Variants in RNGTT observed in about 807,000 individuals in gnomAD.
RNGTT encodes the protein RNA guanylyltransferase and 5'-phosphatase, also known as mRNA-capping enzyme.
RNGTT carries 33 observed loss-of-function variants against 79.3 expected under a neutral mutation model. The ratio of observed to expected loss-of-function variants is 0.42; its 90% CI spans 0.32 to 0.56. RNGTT has a LOEUF of 0.56. Among genes scored for constraint, RNGTT ranks in the 20% least tolerant of loss-of-function variants. The pLI, the probability that RNGTT is intolerant of heterozygous loss-of-function variation, is 0.17. For missense variants in RNGTT, 497 were observed against 739.1 expected (o/e 0.67, Z 3.80); for synonymous variants, 222 against 235.9 (o/e 0.94, Z 0.54).
At chr6:88,672,717 C>T (rs918201844) in intron 14 of RNGTT, among the ~76,000 whole-genome samples, 2 of 151,950 alleles carry the variant, frequency 1.3e-5, no homozygotes, top group Admixed American at 1.3e-4. Context: ...AATAATTTTT[C>T]AAAAAAAGTT....
chr6:88,775,284 A>G (rs530519323), intron 12 of RNGTT, among the ~76,000 whole-genome samples: 62 of 152,308 alleles, frequency 4.1e-4, no homozygotes, highest in East Asian at 1.9e-3. Flanking sequence ...AACTTCCAGT[A>G]TATAAAACAA....
chr6:88,914,991 A>G (rs1482964129), intron 4 of RNGTT, among the ~76,000 whole-genome samples: 1 of 152,240 alleles, frequency 6.6e-6, no homozygotes, highest in Non-Finnish European at 1.5e-5. Flanking sequence ...AAAAGAGGAC[A>G]TACAAGTGGC....
At chr6:88,818,511 G>C (rs770369373) in intron 11 of RNGTT, among the ~76,000 whole-genome samples, 1 of 152,126 alleles carries the variant, frequency 6.6e-6, no homozygotes, top group Non-Finnish European at 1.5e-5. Flanking sequence ...GGAGGCAGAG[G>C]TTGCAGTGAG....
chr6:88,759,197 T>C (rs1031277922), intron 13 of RNGTT, among the ~76,000 whole-genome samples: 1 of 152,260 alleles, frequency 6.6e-6, no homozygotes, highest in East Asian at 1.9e-4. Flanking sequence ...GTCCACACTA[T>C]ATCCCAGATC....
chr6:88,839,687 T>A (rs1781201802), intron 11 of RNGTT, among the ~76,000 whole-genome samples: 1 of 152,360 alleles, frequency 6.6e-6, no homozygotes, highest in Admixed American at 6.5e-5. Flanking sequence ...CAATGGTTAC[T>A]GAGAAGGTGA....
chr6:88,622,278 T>C (rs752999015), intron 14 of RNGTT, among the ~76,000 whole-genome samples: 1 of 152,170 alleles, frequency 6.6e-6, no homozygotes. Context: ...TTAGCTGATA[T>C]ACAGAGCTAA....
chr6:88,692,979 C>G (rs565078036), intron 13 of RNGTT, among the ~76,000 whole-genome samples: 1 of 151,882 alleles, frequency 6.6e-6, no homozygotes, highest in African/African-American at 2.4e-5. Flanking sequence ...TGATGAGATG[C>G]AGCAAAAGCA....
chr6:88,681,027 C>G (rs1018131712), intron 13 of RNGTT, among the ~76,000 whole-genome samples: 25 of 152,114 alleles, frequency 1.6e-4, no homozygotes, highest in African/African-American at 5.6e-4. Context: ...CTTTAAATCG[C>G]TCCCAAATCA....
intron 13 of RNGTT, among the ~76,000 whole-genome samples, chr6:88,758,589 T>C (rs1278249804): frequency 5.3e-5 from 8 of 152,246 alleles, no homozygotes; most frequent in Non-Finnish European, 1.5e-5. Flanking sequence ...GGGATTTGTT[T>C]AATGCTTCCT....
intron 12 of RNGTT, among the ~76,000 whole-genome samples, chr6:88,790,959 C>T (rs768152704): frequency 5.9e-5 from 9 of 152,036 alleles, no homozygotes; most frequent in Non-Finnish European, 7.4e-5. Flanking sequence ...AGCTATCCAT[C>T]GGAAACGTCT....
chr6:88,935,804 G>A (rs1441068331), intron 2 of RNGTT, among the ~76,000 whole-genome samples: 2 of 152,054 alleles, frequency 1.3e-5, no homozygotes, highest in African/African-American at 2.4e-5. Flanking sequence ...ATTTATTCCT[G>A]AGTATTTTAC....
At chr6:88,936,646 T>C (rs1378569076) in intron 2 of RNGTT, among the ~76,000 whole-genome samples, 2 of 152,250 alleles carry the variant, frequency 1.3e-5, no homozygotes, top group African/African-American at 2.4e-5. Context: ...ATGGTGTTTG[T>C]CCTTCATTCT....
At chr6:88,759,222 A>G (rs372984123) in intron 13 of RNGTT, among the ~76,000 whole-genome samples, 54 of 152,314 alleles carry the variant, frequency 3.5e-4, no homozygotes, top group African/African-American at 1.3e-3. Context: ...CAGTGGGAGC[A>G]CCTTCAAGTT....
intron 13 of RNGTT, among the ~76,000 whole-genome samples, chr6:88,682,251 T>C (rs1164595090): frequency 6.6e-6 from 1 of 152,204 alleles, no homozygotes; most frequent in Non-Finnish European, 1.5e-5. Flanking sequence ...AACTGTTCTA[T>C]CTACAAGCCA....
rs1437751784 is a variant in RNGTT, at chr6:88,773,357, T to C, written c.1339-3483A>G. The stretch of plus-strand genomic sequence containing the variant: ...AGGGGGGAGGGATAGCATCGGGAGA[T>C]ATACCTAATGCTAGATGACGAGTTA... On this transcript the variant is annotated intron_variant, in intron 12 of 15. Transcript: ENST00000369485. Among the ~76,000 whole-genome samples the C allele has an allele frequency of 5.5e-5, 8 of 146,032 alleles. No individual in the cohort carries two copies. In the South Asian group the frequency reaches 1.3e-3, roughly 24 times the overall value.
At chr6:88,932,609 C>T (rs377723471) in intron 2 of RNGTT, among the ~76,000 whole-genome samples, 1 of 152,088 alleles carries the variant, frequency 6.6e-6, no homozygotes, top group African/African-American at 2.4e-5. Flanking sequence ...ATTTCTCAGA[C>T]CGGCCGACAT....
chr6:88,825,184 C>T (rs1780618057), intron 11 of RNGTT, among the ~76,000 whole-genome samples: 1 of 152,174 alleles, frequency 6.6e-6, no homozygotes, highest in East Asian at 1.9e-4. Context: ...CTGAAGGGTA[C>T]ACTGAGAACT....
intron 2 of RNGTT, among the ~76,000 whole-genome samples, chr6:88,937,024 C>T (rs989906195): frequency 1.3e-5 from 2 of 152,098 alleles, no homozygotes; most frequent in South Asian, 2.1e-4. Context: ...GCCAGGTTTT[C>T]CAGTTAGTGT....
At position 88,816,340 on chromosome 6, in the gene RNGTT, T is replaced by A. The variant is rs144399432; in HGVS notation, c.1270-14708A>T. Among the ~76,000 whole-genome samples, 485 of 152,302 alleles carry A rather than the reference T, an allele frequency of 3.2e-3. 2 individuals carry two copies. Among genetic ancestry groups the A allele is most frequent in the Admixed American group, 6.9e-3 (106 of 15,302 alleles). On this transcript the variant is annotated intron_variant, in intron 11 of 15. Transcript: ENST00000369485. ...TTCAGTCTAGTGAGTTACAATCTTC[T>A]CATGAGGTGCACATATGTGTATACA...
Sources: gnomAD v4.1 joint callset for allele counts (sites outside exome capture counted in the v4.1 genomes callset) on GRCh38, gnomAD v4.1.1 for gene constraint, MANE v1.5 for transcripts, NCBI Gene and HGNC (gene_info 2026-07-23, HGNC 2026-07-21) for gene names.